The following DNAH10 variants were observed in gnomAD, a reference collection of about 807,000 sequenced individuals.
DNAH10 encodes dynein axonemal heavy chain 10, also known as axonemal beta dynein heavy chain 10.
In DNAH10, 348 loss-of-function variants were observed where a neutral mutation model predicts 506.6. The observed-to-expected ratio is 0.69, with a 90% CI of 0.63 to 0.75. DNAH10 has a LOEUF of 0.75. DNAH10 is among the 30% of genes least tolerant of loss of function. The pLI is 0.00. For synonymous variants in DNAH10, 2,059 were observed against 2,198.6 expected (o/e 0.94, Z 1.78); for missense variants, 5,179 against 5,787.1 (o/e 0.89, Z 3.41).
At chr12:123,876,647 A>G (rs1353178763) in intron 47 of DNAH10, among the ~76,000 whole-genome samples, 1 of 151,712 alleles carries the variant, frequency 6.6e-6, no homozygotes, top group Non-Finnish European at 1.5e-5. Context: ...AAAAAAATAA[A>G]AAAATTAAAA....
chr12:123,807,945 A>AGGGAGTGAGAGG (rs1958762448), intron 18 of DNAH10, among the ~76,000 whole-genome samples: 1 of 23,862 alleles, frequency 4.2e-5, no homozygotes, highest in Admixed American at 7.3e-4. Context: ...AAGGAGAAGG[A>AGGGAGTGAGAGG]GGGAGGGAGA....
At chr12:123,905,805 A>C (rs960391207) in intron 57 of DNAH10, among the ~76,000 whole-genome samples, 2 of 152,154 alleles carry the variant, frequency 1.3e-5, no homozygotes, top group Non-Finnish European at 2.9e-5. Flanking sequence ...GTGAGTTGCA[A>C]ATCTTTTCCT....
intron 25 of DNAH10, 70 bp downstream of exon 25, chr12:123,826,968 G>C (rs1960062091): frequency 7.1e-7 from 1 of 1,404,940 alleles, no homozygotes. Context: ...GTTTCCCTCA[G>C]TACATTATCT....
chr12:123,773,821 G>A (rs1342430005), intron 4 of DNAH10, among the ~76,000 whole-genome samples: 2 of 152,220 alleles, frequency 1.3e-5, no homozygotes, highest in Non-Finnish European at 2.9e-5. Flanking sequence ...TCAGTCCATA[G>A]CAGCAAAGAA....
At position 123,796,779 on chromosome 12, in the gene DNAH10, A is replaced by G. The variant is rs780385479; in HGVS notation, c.2110A>G (p.Ile704Val). 1.2e-6 allele frequency: 2 copies of G among 1,614,078 alleles called. No individual in the cohort carries two copies. Among genetic ancestry groups the G allele is most frequent in the South Asian group, 1.1e-5 (1 of 91,068 alleles). The change falls in exon 13 of 79, where the codon ATC becomes GTC. Residue 704 changes from isoleucine to valine, a missense_variant. Physicochemically the swap from Ile to Val is conservative, Grantham distance 29. Transcript: ENST00000673944. The part of the protein sequence containing the change: ...RSLFFRIKHT[I>V]LRFQEVQEIL... ...TCTGTTCTTTCGGATTAAGCATACC[A>G]TCCTCCGATTTCAAGAGGTACAAGA...
intron 65 of DNAH10, among the ~76,000 whole-genome samples, chr12:123,922,150 G>A (rs995233823): frequency 2.0e-5 from 3 of 151,986 alleles, no homozygotes; most frequent in Non-Finnish European, 2.9e-5. Flanking sequence ...CAGGGCGGGC[G>A]GATCATGAGG....
chr12:123,836,464 T>C (rs1271062562), intron 28 of DNAH10, among the ~76,000 whole-genome samples: 1 of 152,210 alleles, frequency 6.6e-6, no homozygotes, highest in Non-Finnish European at 1.5e-5. Flanking sequence ...AGAAAGCAAA[T>C]TGCCCGTGAA....
At chr12:123,934,548 G>A in intron 77 of DNAH10, 73 bp from the exon 78 acceptor site, 1 of 1,576,362 alleles carries the variant, frequency 6.3e-7, no homozygotes, top group African/African-American at 1.3e-5. Flanking sequence ...CGCTGTGTGT[G>A]CGCCTGATAG....
At chr12:123,861,805 C>T (rs1037053093) in intron 39 of DNAH10, among the ~76,000 whole-genome samples, 2 of 152,232 alleles carry the variant, frequency 1.3e-5, no homozygotes, top group Non-Finnish European at 2.9e-5. Context: ...TAAATAAAAT[C>T]CTTAAATAAC....
chr12:123,845,891 T>C (rs999059289), intron 31 of DNAH10, 22 bp downstream of exon 31: 3 of 1,613,164 alleles, frequency 1.9e-6, no homozygotes, highest in Non-Finnish European at 2.5e-6. Flanking sequence ...CCGGGGTCAC[T>C]GGCATTTCAA....
chr12:123,872,762 G>A (rs1215428224), intron 45 of DNAH10, among the ~76,000 whole-genome samples: 1 of 152,140 alleles, frequency 6.6e-6, no homozygotes, highest in Non-Finnish European at 1.5e-5. Flanking sequence ...AGTGAGCTAT[G>A]ATTGTGCACC....
At position 123,873,584 on chromosome 12, in the gene DNAH10, C is replaced by T. The variant is rs1348853262; in HGVS notation, c.7812C>T (p.Ser2604=). The change falls in exon 46 of 79, where the codon TCC becomes TCT. Residue 2604 remains serine, a synonymous_variant. Transcript: ENST00000673944. The part of the protein sequence containing the change: ...TNIVLMVNFS[S]RTTSMDIQRN... ...TTGTGTTAATGGTCAACTTCTCCTCCCGCACCACGTCCATGGATATCCAAA... is the reference window on the plus strand; with the variant it reads ...TTGTGTTAATGGTCAACTTCTCCTCTCGCACCACGTCCATGGATATCCAAA... The T allele has an allele frequency of 6.2e-7, 1 of 1,612,982 alleles. No individual in the cohort carries two copies. The highest frequency in any genetic ancestry group is 1.3e-5 in the African/African-American group (1 of 74,862).
intron 11 of DNAH10, 81 bp downstream of exon 11, chr12:123,790,202 A>T: frequency 2.2e-6 from 3 of 1,356,886 alleles, no homozygotes; most frequent in Non-Finnish European, 3.0e-6. Flanking sequence ...TTATTTAGTG[A>T]TGCTTAGTCT....
intron 61 of DNAH10, 105 bp from the exon 62 acceptor site, chr12:123,914,747 G>A (rs1954389604): frequency 6.8e-7 from 1 of 1,480,028 alleles, no homozygotes; most frequent in Non-Finnish European, 9.0e-7. Flanking sequence ...GGCTTGTGTG[G>A]CCTGGGGATG....
intron 35 of DNAH10, among the ~76,000 whole-genome samples, chr12:123,852,124 CT>C (rs1450499537): frequency 1.3e-5 from 2 of 152,180 alleles, no homozygotes; most frequent in South Asian, 2.1e-4. Flanking sequence ...CCTGCAACCC[CT>C]GATCTATTCT....
In DNAH10 at chr12:123,926,673, T is replaced by C; in HGVS notation, c.11958T>C (p.Ile3986=). The change falls in exon 69 of 79, where the codon ATT becomes ATC. Residue 3986 remains isoleucine, a synonymous_variant. Transcript: ENST00000673944. The surrounding 1 kb of genome is among the most constrained non-coding windows in gnomAD (Gnocchi z 4.1). ...CCCCAATGATCAGCTTTGAAGCTAT[T>C]TTTGAGCAGAGCACTCCACATTCGC... ...VQPPMISFEA[I]FEQSTPHSPI... 6.2e-7 allele frequency: 1 copy of C among 1,613,896 alleles called. No individual in the cohort carries two copies. The highest frequency in any genetic ancestry group is 2.2e-5 in the East Asian group (1 of 44,886).
intron 37 of DNAH10, among the ~76,000 whole-genome samples, chr12:123,857,652 C>T (rs1002223406): frequency 2.6e-5 from 4 of 152,178 alleles, no homozygotes; most frequent in South Asian, 2.1e-4. Flanking sequence ...TGCTGGAACG[C>T]GCGAGGTGGA....
chr12:123,929,535 C>T (rs1362086619), intron 71 of DNAH10, 51 bp downstream of exon 71: 2 of 1,589,228 alleles, frequency 1.3e-6, no homozygotes, highest in East Asian at 2.3e-5. Context: ...CGGCCCACTT[C>T]CTCCCGACTT....
At chr12:123,893,522 C>T (rs1385089022) in intron 53 of DNAH10, 86 bp downstream of exon 53, 11 of 1,493,320 alleles carry the variant, frequency 7.4e-6, no homozygotes, top group Non-Finnish European at 1.0e-5. Flanking sequence ...TCCAGGTTCC[C>T]CCAGCAAAGC....
Sources: allele counts gnomAD v4.1 joint callset (sites outside exome capture counted in the v4.1 genomes callset), GRCh38; gene constraint gnomAD v4.1.1; non-coding constraint Gnocchi (gnomAD v3.1); transcripts MANE v1.5; gene names NCBI Gene and HGNC (gene_info 2026-07-23, HGNC 2026-07-21).